CCNY: variants seen among roughly 807,000 people sequenced by gnomAD.
CCNY encodes cyclin Y, also known as cyclin-Y.
Under a neutral mutation model 42.8 loss-of-function variants are expected in CCNY, and 19 were observed. The observed-to-expected ratio is 0.44, with a 90% CI of 0.31 to 0.65. CCNY has a LOEUF of 0.65. Among genes scored for constraint, CCNY ranks in the 30% least tolerant of loss-of-function variants. The probability of loss-of-function intolerance (pLI) is 0.07; values close to 1 mark genes in which losing one functional copy is unlikely to be tolerated. For synonymous variants in CCNY, 165 were observed against 162.7 expected (o/e 1.01, Z -0.11); for missense variants, 370 against 437.3 (o/e 0.85, Z 1.37).
At position 35,465,938 on chromosome 10, in the gene CCNY, A is replaced by AGTGTGT. The variant is rs1312410028; in HGVS notation, c.155-17449_155-17444dup. Among the ~76,000 whole-genome samples the AGTGTGT allele has an allele frequency of 7.8e-3, 619 of 79,272 alleles. 25 individuals are homozygous for AGTGTGT. The highest frequency in any genetic ancestry group is 0.014 in the Middle Eastern group (2 of 148). 52.0% of individuals were successfully genotyped at this position (79,272 alleles called of 152,430 possible). On this transcript the variant is annotated intron_variant, in intron 1 of 9. Transcript: ENST00000374704. ...GAGAGAGAGAGAGAGAGAGAGAGAG[A>AGTGTGT]GTGTGTGTGTGTGTGTGTGTGTCTG...
At chr10:35,356,411 A>G (rs1295540317) in intron 1 of CCNY, among the ~76,000 whole-genome samples, 6 of 152,338 alleles carry the variant, frequency 3.9e-5, no homozygotes, top group Non-Finnish European at 8.8e-5. Flanking sequence ...GGTTTTGGGA[A>G]TTAACACATG....
chr10:35,426,744 T>G (rs1838282730), intron 1 of CCNY, among the ~76,000 whole-genome samples: 1 of 152,228 alleles, frequency 6.6e-6, no homozygotes, highest in African/African-American at 2.4e-5. Flanking sequence ...AACATTAACT[T>G]GAGGCCAGAA....
intron 2 of CCNY, among the ~76,000 whole-genome samples, chr10:35,500,750 C>T (rs562352955): frequency 1.3e-5 from 2 of 152,362 alleles, no homozygotes; most frequent in Admixed American, 1.3e-4. Flanking sequence ...ACTGACCCTT[C>T]TACCTCTCTG....
chr10:35,419,466 C>T (rs1838106685), intron 1 of CCNY, among the ~76,000 whole-genome samples: 1 of 150,788 alleles, frequency 6.6e-6, no homozygotes, highest in Non-Finnish European at 1.5e-5. Flanking sequence ...CCAGGTATGA[C>T]CCAGGGTATG....
At chr10:35,521,712 G>A (rs533336814) in intron 4 of CCNY, among the ~76,000 whole-genome samples, 21 of 152,280 alleles carry the variant, frequency 1.4e-4, no homozygotes, top group Admixed American at 5.2e-4. Context: ...TGCACAGATT[G>A]ACAGTGAGGG....
At position 35,530,931 on chromosome 10, in the gene CCNY, A is replaced by G. The variant is rs1441350077; in HGVS notation, c.579+688A>G. ...TACAAAATTTAAAAGTCAGCTGGCC[A>G]TGGTGGCACGTACCTGTGGTCCCAG... On this transcript the variant is annotated intron_variant, in intron 7 of 9. Coordinates refer to ENST00000374704, the MANE Select transcript of CCNY (RefSeq NM_145012.6). This position sits in a 1 kb window ranked among gnomAD's most constrained non-coding sequence, Gnocchi z 4.3. Among the ~76,000 whole-genome samples, 2 of 152,082 alleles carry G rather than the reference A, an allele frequency of 1.3e-5. No individual in the cohort carries two copies. Among genetic ancestry groups the G allele is most frequent in the Admixed American group, 6.6e-5 (1 of 15,266 alleles).
chr10:35,488,005 T>C (rs1839821407), intron 2 of CCNY, among the ~76,000 whole-genome samples: 1 of 152,198 alleles, frequency 6.6e-6, no homozygotes, highest in South Asian at 2.1e-4. Flanking sequence ...TCTTAAATAA[T>C]ATGAGAAAGC....
Position 35,437,960 on chromosome 10 carries a change from C to T in CCNY, c.155-45444C>T, listed in dbSNP as rs1437162211. ...AAATAGTGTACAGGAAAACTTGTCCCCTTCACCCCACAGCCTACTCTGATC... is the reference window on the plus strand; with the variant it reads ...AAATAGTGTACAGGAAAACTTGTCCTCTTCACCCCACAGCCTACTCTGATC... On this transcript the variant is annotated intron_variant, in intron 1 of 9. Transcript: ENST00000374704. 4.3e-4 allele frequency among the ~76,000 whole-genome samples: 66 copies of T among 152,014 alleles called. 2 individuals carry two copies. The highest frequency in any genetic ancestry group is 4.3e-3 in the Admixed American group (65 of 15,246).
At chr10:35,381,680 G>GT (rs1837189068) in intron 1 of CCNY, among the ~76,000 whole-genome samples, 1 of 152,102 alleles carries the variant, frequency 6.6e-6, no homozygotes, top group African/African-American at 2.4e-5. Context: ...CATTTCCAGA[G>GT]TAACTTCTTA....
intron 3 of CCNY, among the ~76,000 whole-genome samples, chr10:35,303,544 G>A (rs959370409): frequency 6.6e-6 from 1 of 151,130 alleles, no homozygotes; most frequent in Non-Finnish European, 1.5e-5. Context: ...TTGGGAGGCC[G>A]AGGTGGGCAG....
At chr10:35,433,074 G>T (rs1838448734) in intron 1 of CCNY, among the ~76,000 whole-genome samples, 1 of 152,174 alleles carries the variant, frequency 6.6e-6, no homozygotes, top group South Asian at 2.1e-4. Context: ...GCTGGGCACG[G>T]TGGCTCATAC....
chr10:35,367,509 G>T (rs527698115), intron 1 of CCNY, among the ~76,000 whole-genome samples: 5 of 152,324 alleles, frequency 3.3e-5, no homozygotes, highest in Admixed American at 2.0e-4. Flanking sequence ...CATTTCTTGT[G>T]AGATAACATG....
At chr10:35,414,610 A>T (rs531862026) in intron 1 of CCNY, among the ~76,000 whole-genome samples, 2 of 152,200 alleles carry the variant, frequency 1.3e-5, no homozygotes, top group Non-Finnish European at 2.9e-5. Flanking sequence ...GGCGGGAATC[A>T]TTGGGTGGGT....
intron 1 of CCNY, among the ~76,000 whole-genome samples, chr10:35,408,178 T>C (rs1040897613): frequency 6.6e-6 from 1 of 152,170 alleles, no homozygotes. Flanking sequence ...AGATGTTCCT[T>C]GGGCTGGTTA....
chr10:35,353,771 T>G lies in CCNY; in HGVS notation c.154+16564T>G, dbSNP rs12249113. ...ATCTTAATGTTTTTCTTTTTTAATG[T>G]GATGTTAGTCTAAGTAAGAATTATG... On this transcript the variant is annotated intron_variant, in intron 1 of 9. Coordinates refer to ENST00000374704, the MANE Select transcript of CCNY (RefSeq NM_145012.6). Among the ~76,000 whole-genome samples, 683 of 152,366 alleles carry G rather than the reference T, an allele frequency of 4.5e-3. 5 individuals are homozygous for G. The highest frequency in any genetic ancestry group is 0.016 in the African/African-American group (651 of 41,586).
chr10:35,456,571 C>T (rs1239875407), intron 1 of CCNY, among the ~76,000 whole-genome samples: 1 of 152,152 alleles, frequency 6.6e-6, no homozygotes, highest in Non-Finnish European at 1.5e-5. Flanking sequence ...CAAAGCTCGA[C>T]AGACTTGATT....
At chr10:35,361,427 T>C (rs888286956) in intron 1 of CCNY, among the ~76,000 whole-genome samples, 1 of 152,268 alleles carries the variant, frequency 6.6e-6, no homozygotes, top group Non-Finnish European at 1.5e-5. Context: ...CTAGCATTAA[T>C]TGAGTGCTTA....
At chr10:35,349,949 G>A (rs1198154722) in intron 1 of CCNY, among the ~76,000 whole-genome samples, 1 of 152,194 alleles carries the variant, frequency 6.6e-6, no homozygotes, top group Admixed American at 6.5e-5. Context: ...CTTCGTATCT[G>A]TCACTTGCAC....
intron 7 of CCNY, among the ~76,000 whole-genome samples, chr10:35,544,606 A>T (rs1841074394): frequency 6.6e-6 from 1 of 152,184 alleles, no homozygotes; most frequent in Non-Finnish European, 1.5e-5. Context: ...TAGAGACAGC[A>T]CCCAAGGTTT....
Sources: gnomAD v4.1 joint callset for allele counts (sites outside exome capture counted in the v4.1 genomes callset) on GRCh38, gnomAD v4.1.1 for gene constraint, Gnocchi (gnomAD v3.1) non-coding constraint, MANE v1.5 for transcripts, NCBI Gene and HGNC (gene_info 2026-07-23, HGNC 2026-07-21) for gene names.